Variants in AHRR observed in about 807,000 individuals in gnomAD.
AHRR encodes ahR repressor.
In AHRR, 28 loss-of-function variants were observed where a neutral mutation model predicts 44.0. The ratio of observed to expected loss-of-function variants is 0.64; its 90% CI spans 0.47 to 0.87. AHRR has a LOEUF of 0.87. Ranked by LOEUF, AHRR falls within the 40% of genes least tolerant of loss-of-function variation. AHRR has a pLI of 0.00. For synonymous variants in AHRR, 434 were observed against 407.0 expected, an observed-to-expected ratio of 1.07 and a Z score of -0.80; for missense variants, 990 against 953.9, an observed-to-expected ratio of 1.04 and a Z score of -0.50.
At chr5:410,006 C>T (rs1735409206) in intron 4 of AHRR, among the ~76,000 whole-genome samples, 2 of 152,166 alleles carry the variant, frequency 1.3e-5, no homozygotes, top group Non-Finnish European at 2.9e-5. Context: ...GTCCCAGCCA[C>T]GCTGTTTCAG....
At chr5:364,327 T>C (rs1356779403) in intron 3 of AHRR, among the ~76,000 whole-genome samples, 1 of 152,196 alleles carries the variant, frequency 6.6e-6, no homozygotes, top group Non-Finnish European at 1.5e-5. Context: ...GTGGTGACTA[T>C]ATGGGTAAAT....
intron 2 of AHRR, among the ~76,000 whole-genome samples, chr5:348,207 A>G (rs1742743456): frequency 6.6e-6 from 1 of 152,054 alleles, no homozygotes. Context: ...CTCTCCCAGG[A>G]GTGAATGCCC....
rs58460271 is a variant in AHRR, at chr5:337,477, C to G, written c.-10-6416C>G. On this transcript the variant is annotated intron_variant, in intron 1 of 10. Transcript: ENST00000684583. This position sits in a 1 kb window ranked among gnomAD's most constrained non-coding sequence, Gnocchi z 4.1. ...CACTGCAGCCTTGACCTCCCAGGCTCAAGCGATACTCCTGCCTTAGTCTCC... is the reference window on the plus strand; with the variant it reads ...CACTGCAGCCTTGACCTCCCAGGCTGAAGCGATACTCCTGCCTTAGTCTCC... Among the ~76,000 whole-genome samples, 14,957 of 152,178 alleles carry G rather than the reference C, an allele frequency of 0.098. 2,373 individuals are homozygous for G. Among genetic ancestry groups the G allele is most frequent in the African/African-American group, 0.33 (13,826 of 41,444 alleles).
chr5:417,102 C>A (rs1251389820), intron 5 of AHRR, among the ~76,000 whole-genome samples: 1 of 146,816 alleles, frequency 6.8e-6, no homozygotes, highest in Non-Finnish European at 1.5e-5. Flanking sequence ...TCCGTATGTG[C>A]AGGGCCCGAG....
At chr5:425,510 G>A (rs1187772181) in intron 7 of AHRR, among the ~76,000 whole-genome samples, 2 of 152,162 alleles carry the variant, frequency 1.3e-5, no homozygotes, top group African/African-American at 4.8e-5. Context: ...AGTAGAGACA[G>A]TGTTTCACTG....
chr5:434,259 A>G lies in AHRR; in HGVS notation c.1519A>G (p.Met507Val), dbSNP rs763597591. 1.2e-6 allele frequency: 2 copies of G among 1,601,858 alleles called. No individual in the cohort carries two copies. Among genetic ancestry groups the G allele is most frequent in the Admixed American group, 1.7e-5 (1 of 59,142 alleles). Reference protein sequence around the residue: ...AQRFATRGYPMEDMKLQGVPM... With the variant: ...AQRFATRGYPVEDMKLQGVPM... Reference sequence around the variant, plus strand: ...GCGTTTTGCCACGAGGGGCTATCCCATGGAGGACATGAAGCTGCAAGGTGT... The same window carrying G: ...GCGTTTTGCCACGAGGGGCTATCCCGTGGAGGACATGAAGCTGCAAGGTGT... The change falls in exon 11 of 11, where the codon ATG becomes GTG. Residue 507 changes from methionine to valine, a missense_variant. Met to Val is a conservative substitution (Grantham distance 21). Coordinates refer to ENST00000684583, the MANE Select transcript of AHRR (RefSeq NM_001377236.1).
At chr5:424,582 C>G (rs537349358) in intron 7 of AHRR, among the ~76,000 whole-genome samples, 2 of 151,662 alleles carry the variant, frequency 1.3e-5, no homozygotes, top group African/African-American at 4.8e-5. Flanking sequence ...CAAGCCAGGT[C>G]GATGAGAATG....
rs2126475835 is a variant in AHRR, at chr5:392,320, C to CGGACACAGGGCGATGA, written c.351+15606_351+15607insACACAGGGCGATGAGG. On this transcript the variant is annotated intron_variant, in intron 4 of 10. Coordinates refer to ENST00000684583, the MANE Select transcript of AHRR (RefSeq NM_001377236.1). The stretch of plus-strand genomic sequence containing the variant: ...GGGCGAGGCAGGGCCAGAGCGTGCA[C>CGGACACAGGGCGATGA]GGGCGCAGGGCGAGGAGGGCGCAGG... Among the ~76,000 whole-genome samples, 77 of 86,022 alleles carry CGGACACAGGGCGATGA rather than the reference C, an allele frequency of 9.0e-4. 1 individual carries two copies. The highest frequency in any genetic ancestry group is 1.7e-3 in the South Asian group (4 of 2,398). 56.4% of individuals were successfully genotyped at this position (86,022 alleles called of 152,430 possible).
At chr5:399,639 G>A (rs1355018881) in intron 4 of AHRR, among the ~76,000 whole-genome samples, 1 of 152,154 alleles carries the variant, frequency 6.6e-6, no homozygotes, top group African/African-American at 2.4e-5. Context: ...GAATTAACTC[G>A]CCAAGGGTTC....
At chr5:432,375 T>G in intron 8 of AHRR, 88 bp from the exon 9 acceptor site, 1 of 1,313,946 alleles carries the variant, frequency 7.6e-7, no homozygotes, top group Non-Finnish European at 1.1e-6. Flanking sequence ...TACCTGTCAT[T>G]ATTAATTTCT....
intron 1 of AHRR, among the ~76,000 whole-genome samples, chr5:325,144 C>A (rs1741660542): frequency 6.6e-6 from 1 of 152,232 alleles, no homozygotes; most frequent in African/African-American, 2.4e-5. Flanking sequence ...CTAGCCCCAC[C>A]TCTGACAACA....
chr5:351,150 C>T (rs941834526), intron 2 of AHRR, among the ~76,000 whole-genome samples: 6 of 152,100 alleles, frequency 3.9e-5, no homozygotes, highest in South Asian at 2.1e-4. Context: ...GCTACATTGC[C>T]GATGGGAAAG....
intron 3 of AHRR, among the ~76,000 whole-genome samples, chr5:362,061 G>GA (rs1743204287): frequency 6.6e-6 from 1 of 152,208 alleles, no homozygotes; most frequent in African/African-American, 2.4e-5. Flanking sequence ...TGTATTTGGA[G>GA]AAGGGGCCTC....
At chr5:347,872 C>A (rs963515228) in intron 2 of AHRR, among the ~76,000 whole-genome samples, 1 of 152,242 alleles carries the variant, frequency 6.6e-6, no homozygotes, top group Non-Finnish European at 1.5e-5. Context: ...TCTGGCCATC[C>A]CAGCTGTGGC....
At chr5:378,897 T>C (rs1733859463) in intron 4 of AHRR, among the ~76,000 whole-genome samples, 1 of 152,246 alleles carries the variant, frequency 6.6e-6, no homozygotes, top group Admixed American at 6.5e-5. Flanking sequence ...GTATGGTTAC[T>C]GCAGGATACA....
intron 5 of AHRR, chr5:421,386 C>T (rs1334179331): frequency 1.7e-6 from 1 of 600,122 alleles, no homozygotes. Context: ...GTACCAGCCC[C>T]CACACGGAGG....
intron 3 of AHRR, among the ~76,000 whole-genome samples, chr5:365,688 A>G (rs954549087): frequency 3.3e-5 from 5 of 152,166 alleles, no homozygotes; most frequent in Non-Finnish European, 5.9e-5. Context: ...AGGAGAAAAG[A>G]ATAAGCAGTA....
intron 2 of AHRR, among the ~76,000 whole-genome samples, chr5:347,030 T>C (rs933184125): frequency 6.6e-6 from 1 of 152,182 alleles, no homozygotes; most frequent in African/African-American, 2.4e-5. Context: ...GTAATTTCAA[T>C]AGTTGTTCCC....
At chr5:425,214 G>A (rs1736328687) in intron 7 of AHRR, among the ~76,000 whole-genome samples, 1 of 152,234 alleles carries the variant, frequency 6.6e-6, no homozygotes, top group Admixed American at 6.5e-5. Flanking sequence ...CACCCACTGG[G>A]TGCCTGGTGG....
Sources: allele counts gnomAD v4.1 joint callset (sites outside exome capture counted in the v4.1 genomes callset), GRCh38; gene constraint gnomAD v4.1.1; non-coding constraint Gnocchi (gnomAD v3.1); transcripts MANE v1.5; gene names NCBI Gene and HGNC (gene_info 2026-07-23, HGNC 2026-07-21).